Variants in CD247 observed in about 807,000 individuals in gnomAD.
The protein encoded by CD247 is CD247 molecule, also known as T-cell surface glycoprotein CD3 zeta chain.
Under a neutral mutation model 30.0 loss-of-function variants are expected in CD247, and 13 were observed. The ratio of observed to expected loss-of-function variants is 0.43; its 90% CI spans 0.28 to 0.69. The LOEUF is 0.69. Ranked by LOEUF, CD247 falls within the 30% of genes least tolerant of loss-of-function variation. CD247 has a pLI of 0.16. For missense variants in CD247, 193 were observed against 212.6 expected, an observed-to-expected ratio of 0.91 and a Z score of 0.57; for synonymous variants, 72 against 80.0, an observed-to-expected ratio of 0.90 and a Z score of 0.53.
rs115510601 is a variant in CD247 at position 167,500,087 on chromosome 1, C to T, written c.58+18321G>A. Among the ~76,000 whole-genome samples the T allele has an allele frequency of 4.1e-3, 619 of 152,288 alleles. 4 individuals carry two copies. The highest frequency in any genetic ancestry group is 0.014 in the African/African-American group (579 of 41,560). On this transcript the variant is annotated intron_variant, in intron 1 of 7. Coordinates refer to ENST00000362089, the MANE Select transcript of CD247 (RefSeq NM_198053.3). The stretch of plus-strand genomic sequence containing the variant: ...CCTGGGTGATATTCTATTTCTTATG[C>T]TGCACTGGAGAAATATTCTCTATAT...
intron 1 of CD247, among the ~76,000 whole-genome samples, chr1:167,482,862 G>C (rs1654028981): frequency 6.6e-6 from 1 of 152,100 alleles, no homozygotes; most frequent in African/African-American, 2.4e-5. Flanking sequence ...TCAAGGATGG[G>C]TGAAAAACTA....
At chr1:167,488,520 CA>C (rs1209726370) in intron 1 of CD247, among the ~76,000 whole-genome samples, 1 of 152,254 alleles carries the variant, frequency 6.6e-6, no homozygotes, top group African/African-American at 2.4e-5. Context: ...GAACACAGGC[CA>C]GGGGGATCAG....
intron 3 of CD247, among the ~76,000 whole-genome samples, chr1:167,439,142 C>A (rs766998530): frequency 6.6e-6 from 1 of 152,198 alleles, no homozygotes; most frequent in Non-Finnish European, 1.5e-5. Flanking sequence ...AGCATGTAAT[C>A]TTTATGGCGC....
At chr1:167,483,223 G>A (rs557543245) in intron 1 of CD247, among the ~76,000 whole-genome samples, 10 of 152,024 alleles carry the variant, frequency 6.6e-5, no homozygotes, top group African/African-American at 2.4e-4. Flanking sequence ...GTTCAGGCTG[G>A]TCTCAAACTC....
chr1:167,462,213 C>T (rs964622382), intron 1 of CD247, among the ~76,000 whole-genome samples: 4 of 152,220 alleles, frequency 2.6e-5, no homozygotes, highest in African/African-American at 9.6e-5. Flanking sequence ...TTAAGATTCT[C>T]CTTTGATATT....
chr1:167,468,176 A>G (rs1374081815), intron 1 of CD247, among the ~76,000 whole-genome samples: 1 of 152,208 alleles, frequency 6.6e-6, no homozygotes, highest in Admixed American at 6.5e-5. Flanking sequence ...AGTAAAAAAA[A>G]AATGAGGGGA....
chr1:167,437,326 A>G (rs988816668), intron 4 of CD247, among the ~76,000 whole-genome samples: 6 of 151,468 alleles, frequency 4.0e-5, no homozygotes, highest in Admixed American at 4.0e-4. Context: ...AATTGCTTGA[A>G]CCCTAGAGGC....
Position 167,438,643 on chromosome 1 carries a change from T to C in CD247, c.227A>G (p.Asn76Ser), listed in dbSNP as rs943679483. The change falls in exon 4 of 8, where the codon AAT becomes AGT. Residue 76 changes from asparagine (N) to serine (S), a missense_variant. Transcript: ENST00000362089. ...ATCGTACTCCTCTCTTCGTCCTAGATTGAGCTCCTATAACAGATAAGAAAG... is the reference window on the plus strand; with the variant it reads ...ATCGTACTCCTCTCTTCGTCCTAGACTGAGCTCCTATAACAGATAAGAAAG... ...QGQNQLYNEL[N>S]LGRREEYDVL... is the part of the protein sequence containing the mutation. 44 of 1,613,620 alleles carry C rather than the reference T, an allele frequency of 2.7e-5. No individual in the cohort carries two copies. Among genetic ancestry groups the C allele is most frequent in the Non-Finnish European group, 3.5e-5 (41 of 1,179,506 alleles).
chr1:167,431,149 T>A lies in CD247; in HGVS notation c.*532A>T, dbSNP rs1651245750. On this transcript the variant is annotated 3_prime_UTR_variant, in exon 8 of 8. Coordinates refer to ENST00000362089, the MANE Select transcript of CD247 (RefSeq NM_198053.3). ...GCCCCTGCAGCTCCCTGGTTGCACC[T>A]GGCCTAGGCTCCTTTCCATCTGCCC... is the stretch of plus-strand genomic sequence containing the variant. The A allele has an allele frequency of 2.4e-6, 1 of 420,560 alleles. No homozygotes were observed. The highest frequency in any genetic ancestry group is 3.3e-5 in the East Asian group (1 of 29,868). The allele number at this position is 420,560 out of a possible 1,614,324, so 26.1% of individuals were successfully genotyped here. A position where few individuals can be genotyped will look rare whatever the true frequency, so the allele number is the denominator to read the frequency against.
chr1:167,477,438 G>C (rs970284210), intron 1 of CD247, among the ~76,000 whole-genome samples: 9 of 152,190 alleles, frequency 5.9e-5, no homozygotes, highest in Non-Finnish European at 1.2e-4. Flanking sequence ...TGCCATTTGT[G>C]TAGTTCCAGT....
Position 167,493,065 on chromosome 1 carries a change from T to C in CD247, c.58+25343A>G, listed in dbSNP as rs570917508. Among the ~76,000 whole-genome samples, 5 of 107,982 alleles carry C rather than the reference T, an allele frequency of 4.6e-5. No individual in the cohort carries two copies. The East Asian group carries it at 1.6e-3, about 35-fold the overall frequency. 70.8% of individuals were successfully genotyped at this position (107,982 alleles called of 152,430 possible). A position where few individuals can be genotyped will look rare whatever the true frequency, so the allele number is the denominator to read the frequency against. On this transcript the variant is annotated intron_variant, in intron 1 of 7. Coordinates refer to ENST00000362089, the MANE Select transcript of CD247 (RefSeq NM_198053.3). ...TTTTTTTTTTTTTTTTTTTTTGAGATGGAGTGTCACTCTGTCGCCCAGGCT... is the reference window on the plus strand; with the variant it reads ...TTTTTTTTTTTTTTTTTTTTTGAGACGGAGTGTCACTCTGTCGCCCAGGCT...
intron 1 of CD247, among the ~76,000 whole-genome samples, chr1:167,462,495 C>T (rs1653065637): frequency 6.6e-6 from 1 of 152,200 alleles, no homozygotes; most frequent in Admixed American, 6.5e-5. Flanking sequence ...CTGCATGTGC[C>T]TGTGTAGGAG....
intron 1 of CD247, chr1:167,458,722 G>A (rs1424276218): frequency 2.0e-5 from 2 of 98,746 alleles, no homozygotes; most frequent in Non-Finnish European, 3.6e-5. Flanking sequence ...TTTTGAGACA[G>A]GGTCTTGCTC....
rs554012170 is a variant in CD247, at chr1:167,431,182, C to T, written c.*499G>A. 108 of 422,804 alleles carry T rather than the reference C, an allele frequency of 2.6e-4. No homozygotes were observed. The highest frequency in any genetic ancestry group is 1.6e-3 in the African/African-American group (79 of 49,490). 26.2% of individuals were successfully genotyped at this position (422,804 alleles called of 1,614,324 possible). A position where few individuals can be genotyped will look rare whatever the true frequency, so the allele number is the denominator to read the frequency against. On this transcript the variant is annotated 3_prime_UTR_variant, in exon 8 of 8. Transcript: ENST00000362089. ...GCTCCTTTCCATCTGCCCCTCTGCCCGGCCCTCTCACCAGGGAGGCACAAC... is the reference window on the plus strand; with the variant it reads ...GCTCCTTTCCATCTGCCCCTCTGCCTGGCCCTCTCACCAGGGAGGCACAAC...
At chr1:167,500,084 A>G (rs1654844152) in intron 1 of CD247, among the ~76,000 whole-genome samples, 1 of 152,192 alleles carries the variant, frequency 6.6e-6, no homozygotes, top group Non-Finnish European at 1.5e-5. Context: ...TCTATTTCTT[A>G]TGCTGCACTG....
chr1:167,513,812 A>T (rs1655490587), intron 1 of CD247, among the ~76,000 whole-genome samples: 1 of 152,134 alleles, frequency 6.6e-6, no homozygotes, highest in African/African-American at 2.4e-5. Context: ...TAGATCTGAA[A>T]TAAACAAATA....
chr1:167,462,951 C>T (rs769993659), intron 1 of CD247, among the ~76,000 whole-genome samples: 3 of 152,144 alleles, frequency 2.0e-5, no homozygotes, highest in Admixed American at 6.5e-5. Flanking sequence ...TCCATCTTTA[C>T]TCTTGATAGC....
At chr1:167,440,258 C>T (rs765228446) in intron 2 of CD247, 14 of 292,946 alleles carry the variant, frequency 4.8e-5, no homozygotes, top group African/African-American at 1.1e-4. Context: ...GAAAAACCCA[C>T]GCTCTGGTCA....
At chr1:167,482,436 T>TG (rs1246586229) in intron 1 of CD247, among the ~76,000 whole-genome samples, 1 of 152,122 alleles carries the variant, frequency 6.6e-6, no homozygotes, top group Non-Finnish European at 1.5e-5. Flanking sequence ...CTGGCCTCTG[T>TG]GGGGGTGGGG....
Sources: gnomAD v4.1 joint callset for allele counts (sites outside exome capture counted in the v4.1 genomes callset) on GRCh38, gnomAD v4.1.1 for gene constraint, MANE v1.5 for transcripts, NCBI Gene and HGNC (gene_info 2026-07-23, HGNC 2026-07-21) for gene names.